Variants in ATRNL1 observed in about 807,000 individuals in gnomAD.
ATRNL1 encodes attractin like 1, also known as attractin-like protein 1.
A neutral mutation model predicts 182.7 loss-of-function variants in ATRNL1; 95 were observed. That is an observed-to-expected ratio of 0.52 (90% CI 0.44 to 0.62). ATRNL1 has a LOEUF of 0.62. Among genes scored for constraint, ATRNL1 ranks in the 20% least tolerant of loss-of-function variants. ATRNL1 has a pLI of 0.00. For missense variants in ATRNL1, 1,471 were observed against 1,679.5 expected, an observed-to-expected ratio of 0.88 and a Z score of 2.17; for synonymous variants, 576 against 568.3, an observed-to-expected ratio of 1.01 and a Z score of -0.19.
intron 26 of ATRNL1, among the ~76,000 whole-genome samples, chr10:115,605,448 A>C (rs1856820828): frequency 6.6e-6 from 1 of 152,084 alleles, no homozygotes; most frequent in Non-Finnish European, 1.5e-5. Context: ...TATTTTAATA[A>C]TACACCTTTG....
intron 25 of ATRNL1, among the ~76,000 whole-genome samples, chr10:115,534,582 A>G (rs888239053): frequency 6.6e-6 from 1 of 152,198 alleles, no homozygotes; most frequent in South Asian, 2.1e-4. Context: ...TGTGTCTTTT[A>G]ATTGGAGCAT....
intron 19 of ATRNL1, among the ~76,000 whole-genome samples, chr10:115,371,418 G>T (rs1225629040): frequency 1.3e-5 from 2 of 152,218 alleles, no homozygotes; most frequent in East Asian, 3.9e-4. Flanking sequence ...ACCCTGTAAA[G>T]CCACAGGAGC....
chr10:115,395,498 A>G (rs545885443), intron 20 of ATRNL1, among the ~76,000 whole-genome samples: 1 of 152,050 alleles, frequency 6.6e-6, no homozygotes, highest in Non-Finnish European at 1.5e-5. Context: ...CTTATGTATC[A>G]AATCTACATT....
chr10:115,676,689 TA>T (rs1288509420), intron 26 of ATRNL1, among the ~76,000 whole-genome samples: 96 of 151,916 alleles, frequency 6.3e-4, no homozygotes, highest in African/African-American at 2.1e-3. Flanking sequence ...TGTATTTTTT[TA>T]AAAAAAGATA....
chr10:115,528,865 T>A (rs1851401051), intron 25 of ATRNL1, among the ~76,000 whole-genome samples: 1 of 152,152 alleles, frequency 6.6e-6, no homozygotes, highest in Admixed American at 6.5e-5. Flanking sequence ...CATTGTGATT[T>A]TGTCTTTCAA....
chr10:115,615,793 C>T (rs1009101807), intron 26 of ATRNL1, among the ~76,000 whole-genome samples: 3 of 152,184 alleles, frequency 2.0e-5, no homozygotes, highest in African/African-American at 7.2e-5. Context: ...GCAGATGCTG[C>T]CAGTCTTCCT....
At chr10:115,410,261 T>G (rs1346905184) in intron 20 of ATRNL1, among the ~76,000 whole-genome samples, 1 of 152,138 alleles carries the variant, frequency 6.6e-6, no homozygotes, top group Non-Finnish European at 1.5e-5. Context: ...TCTTGTTTAC[T>G]GCTATTTTTT....
intron 26 of ATRNL1, among the ~76,000 whole-genome samples, chr10:115,711,603 G>T (rs999806183): frequency 6.6e-6 from 1 of 152,138 alleles, no homozygotes; most frequent in Non-Finnish European, 1.5e-5. Context: ...GTTTATTTGG[G>T]CAGGAGGCGA....
At chr10:115,259,047 G>A (rs1554907935) in intron 10 of ATRNL1, among the ~76,000 whole-genome samples, 1 of 152,140 alleles carries the variant, frequency 6.6e-6, no homozygotes, top group African/African-American at 2.4e-5. Context: ...CTACTGAGAG[G>A]TTTCTGCCAG....
At position 115,510,044 on chromosome 10, in the gene ATRNL1, G is replaced by A. The variant is rs1007312536; in HGVS notation, c.3655-9219G>A. On this transcript the variant is annotated intron_variant, in intron 24 of 28. Transcript: ENST00000355044. ...AGTAACTGCACTTGTGGTAGAGATA[G>A]CATGAGTAATATTGATAGAATTATA... Among the ~76,000 whole-genome samples the A allele has an allele frequency of 6.6e-5, 10 of 152,176 alleles. No homozygotes were observed. The East Asian group carries it at 1.4e-3, about 21-fold the overall frequency.
At chr10:115,221,639 C>T (rs1484275051) in intron 9 of ATRNL1, among the ~76,000 whole-genome samples, 1 of 152,090 alleles carries the variant, frequency 6.6e-6, no homozygotes, top group Non-Finnish European at 1.5e-5. Context: ...GTTAGAAATC[C>T]TGGAAACCTC....
Position 115,096,567 on chromosome 10 carries a change from T to C in ATRNL1, c.293+2524T>C, listed in dbSNP as rs529087618. 1.7e-4 allele frequency: 132 copies of C among 791,694 alleles called. No homozygotes were observed. The African/African-American group carries it at 2.2e-3, about 13-fold the overall frequency. The allele number at this position is 791,694 out of a possible 1,614,324, so 49.0% of individuals were successfully genotyped here. A position where few individuals can be genotyped will look rare whatever the true frequency, so the allele number is the denominator to read the frequency against. On this transcript the variant is annotated intron_variant, in intron 1 of 28. Transcript: ENST00000355044. ...CAACCTTACAAACAGACATTAAAAA[T>C]GATTGATCAATCTTGGTAAGCAGGT...
intron 26 of ATRNL1, among the ~76,000 whole-genome samples, chr10:115,695,741 T>G (rs12260062): frequency 0.012 from 1,758 of 152,302 alleles, 32 homozygotes; most frequent in African/African-American, 0.04. Flanking sequence ...ATTCATTGAC[T>G]ATTCCCAGCC....
intron 28 of ATRNL1, among the ~76,000 whole-genome samples, chr10:115,874,308 A>G (rs1399861291): frequency 6.6e-6 from 1 of 152,132 alleles, no homozygotes; most frequent in African/African-American, 2.4e-5. Context: ...CTGCCTCTCC[A>G]TTGCAGTTTC....
In ATRNL1 at chr10:115,165,561, C is replaced by T. The variant is rs781984591; in HGVS notation, c.1008C>T (p.Tyr336=). 2 of 1,465,898 alleles carry T rather than the reference C, an allele frequency of 1.4e-6. No homozygotes were observed. Among genetic ancestry groups the T allele is most frequent in the Non-Finnish European group, 1.8e-6 (2 of 1,092,796 alleles). 90.8% of individuals were successfully genotyped at this position (1,465,898 alleles called of 1,614,324 possible). Residue 336 remains tyrosine (Y), a synonymous_variant, in exon 7 of 29, where the codon TAC becomes TAT. Coordinates refer to ENST00000355044, the MANE Select transcript of ATRNL1 (RefSeq NM_207303.4). The part of the protein sequence containing the change: ...NYSSFQMVLN[Y]NLESSIWNVG... Reference sequence around the variant, plus strand: ...TATTTTCTTTTCTTGCTTTTAGTTACAATTTAGAAAGCAGTATATGGAATG... The same window carrying T: ...TATTTTCTTTTCTTGCTTTTAGTTATAATTTAGAAAGCAGTATATGGAATG...
intron 24 of ATRNL1, among the ~76,000 whole-genome samples, chr10:115,495,508 G>A (rs146753086): frequency 6.6e-6 from 1 of 152,170 alleles, no homozygotes; most frequent in African/African-American, 2.4e-5. Context: ...AGAGATTCTG[G>A]TGTTTTGCAT....
In ATRNL1 at chr10:115,589,712, G is replaced by T. The variant is rs368000376; in HGVS notation, c.3795+40176G>T. Among the ~76,000 whole-genome samples the T allele has an allele frequency of 4.3e-4, 65 of 152,216 alleles. 1 individual carries two copies. The East Asian group carries it at 0.01, about 24-fold the overall frequency. On this transcript the variant is annotated intron_variant, in intron 26 of 28. Transcript: ENST00000355044. ...TTAGCAAATCTCATTAATTTTGATTGTAACTTTGAATTATATTGCTTTGAT... is the reference window on the plus strand; with the variant it reads ...TTAGCAAATCTCATTAATTTTGATTTTAACTTTGAATTATATTGCTTTGAT...
At chr10:115,127,503 T>A in intron 3 of ATRNL1, 90 bp from the exon 4 acceptor site, 1 of 1,084,986 alleles carries the variant, frequency 9.2e-7, no homozygotes, top group Non-Finnish European at 1.3e-6. Flanking sequence ...GCATTACTGA[T>A]CCTGGTAAGA....
intron 9 of ATRNL1, among the ~76,000 whole-genome samples, chr10:115,223,188 C>T (rs530357102): frequency 9.2e-4 from 140 of 152,044 alleles, no homozygotes; most frequent in African/African-American, 3.2e-3. Context: ...GGCTGAGGCA[C>T]GAGAATCACT....
Sources: allele counts gnomAD v4.1 joint callset (sites outside exome capture counted in the v4.1 genomes callset), GRCh38; gene constraint gnomAD v4.1.1; transcripts MANE v1.5; gene names NCBI Gene and HGNC (gene_info 2026-07-23, HGNC 2026-07-21).